Variants in FAT1 observed in about 807,000 individuals in gnomAD.
FAT1 encodes protocadherin Fat 1.
A neutral mutation model predicts 329.8 loss-of-function variants in FAT1; 171 were observed. The observed-to-expected ratio is 0.52, with a 90% CI of 0.46 to 0.59. The LOEUF is 0.59. Ranked by LOEUF, FAT1 falls within the 20% of genes least tolerant of loss-of-function variation. FAT1 has a pLI of 0.00. For synonymous variants in FAT1, 2,233 were observed against 2,228.6 expected (o/e 1.00, Z -0.06); for missense variants, 5,672 against 5,774.4 (o/e 0.98, Z 0.57).
rs1021092386 is a variant in FAT1, at chr4:186,638,954, G to A, written c.3642+768C>T. Reference sequence around the variant, plus strand: ...GCCTGTCTCTCAGCCGCTTCCTGACGACACGGCCCAGAGATCTCATCAACC... The same window carrying A: ...GCCTGTCTCTCAGCCGCTTCCTGACAACACGGCCCAGAGATCTCATCAACC... On this transcript the variant is annotated intron_variant, in intron 4 of 26. Transcript: ENST00000441802. 4.3e-4 allele frequency among the ~76,000 whole-genome samples: 64 copies of A among 149,772 alleles called. 1 individual carries two copies. Among genetic ancestry groups the A allele is most frequent in the African/African-American group, 1.4e-3 (56 of 39,194 alleles).
At position 186,706,604 on chromosome 4, in the gene FAT1, T is replaced by C. The variant is rs773655530; in HGVS notation, c.3224A>G (p.Asp1075Gly). The C allele has an allele frequency of 3.1e-6, 5 of 1,613,314 alleles. No individual in the cohort carries two copies. Among genetic ancestry groups the C allele is most frequent in the South Asian group, 1.1e-5 (1 of 91,038 alleles). The change falls in exon 2 of 27, where the codon GAT becomes GGT. Residue 1075 changes from aspartate to glycine, a missense_variant. Physicochemically the swap from Asp to Gly is moderately conservative, Grantham distance 94 (BLOSUM62 -1). Around this residue, in one of 2 missense-constraint regions of FAT1, gnomAD observed 3,966 missense variants for 3,915.2 expected, o/e 1.01. Coordinates refer to ENST00000441802, the MANE Select transcript of FAT1 (RefSeq NM_005245.4). ...TTTGAAAACACCAACGCCAGAGCCA[T>C]CTCTAATGGAGTATCGGATCTCCCC... is the stretch of plus-strand genomic sequence containing the variant. ...RDGEIRYSIR[D>G]GSGVGVFKIG...
chr4:186,638,499 C>G (rs328415), intron 4 of FAT1, among the ~76,000 whole-genome samples: 96,578 of 151,896 alleles, frequency 0.64, 31,571 homozygotes, highest in African/African-American at 0.8. Context: ...TGAATTCAAG[C>G]GAACTTTACA....
chr4:186,657,454 A>G (rs934222964), intron 3 of FAT1, among the ~76,000 whole-genome samples: 3 of 152,152 alleles, frequency 2.0e-5, no homozygotes, highest in Non-Finnish European at 4.4e-5. Context: ...TAGTGCTAGA[A>G]AGCACACCAG....
At chr4:186,715,193 T>A (rs1354490750) in intron 1 of FAT1, among the ~76,000 whole-genome samples, 2 of 150,220 alleles carry the variant, frequency 1.3e-5, no homozygotes, top group East Asian at 3.9e-4. Context: ...GGCCAACACG[T>A]CAGACTGCTT....
At position 186,589,087 on chromosome 4, in the gene FAT1, A is replaced by G. The variant is rs368215766; in HGVS notation, c.13272T>C (p.Tyr4424=). The G allele has an allele frequency of 3.7e-5, 60 of 1,613,874 alleles. No homozygotes were observed. The highest frequency in any genetic ancestry group is 5.1e-5 in the Non-Finnish European group (60 of 1,179,866). ...TTTCGATGTCGTAGCCTCCAGGGTA[A>G]TAGTCCGTATCGATGGCGTTTGGAT... ...SADPNAIDTD[Y]YPGGYDIESD... Residue 4424 remains tyrosine (Y), a synonymous_variant, in exon 27 of 27, where the codon TAT becomes TAC. Transcript: ENST00000441802.
At chr4:186,649,650 G>A (rs2126592054) in intron 3 of FAT1, among the ~76,000 whole-genome samples, 1 of 152,250 alleles carries the variant, frequency 6.6e-6, no homozygotes, top group Non-Finnish European at 1.5e-5. Context: ...GGAGGAGCGA[G>A]GATAGGTCCT....
intron 2 of FAT1, among the ~76,000 whole-genome samples, chr4:186,704,637 A>G (rs1744484029): frequency 6.6e-6 from 1 of 152,212 alleles, no homozygotes. Flanking sequence ...ATTTTACAAA[A>G]ACAGTTTGAC....
rs2126494000 is a variant in FAT1 at position 186,618,348 on chromosome 4, A to G, written c.8238T>C (p.Asn2746=). The part of the protein sequence containing the change: ...SLVKGNTPES[N]RDESFVIDRQ... ...TGTCAATCACAAAGGACTCATCCCT[A>G]TTGCTTTCTGGAGTATTCCCTTTGA... Residue 2746 remains asparagine (N), a synonymous_variant, in exon 10 of 27, where the codon AAT becomes AAC. Coordinates refer to ENST00000441802, the MANE Select transcript of FAT1 (RefSeq NM_005245.4). 6.2e-7 allele frequency: 1 copy of G among 1,613,940 alleles called. No individual in the cohort carries two copies. Among genetic ancestry groups the G allele is most frequent in the Non-Finnish European group, 8.5e-7 (1 of 1,179,892 alleles).
intron 6 of FAT1, 27 bp downstream of exon 6, chr4:186,635,998 A>G: frequency 1.9e-6 from 3 of 1,608,390 alleles, no homozygotes; most frequent in Non-Finnish European, 2.6e-6. Context: ...ACCCATACGG[A>G]CAACGAAAAT....
intron 19 of FAT1, 23 bp from the exon 20 acceptor site, chr4:186,603,057 G>A (rs1738895168): frequency 6.2e-7 from 1 of 1,613,614 alleles, no homozygotes; most frequent in Non-Finnish European, 8.5e-7. Flanking sequence ...AGGGGAGAAA[G>A]GGAAAAGATA....
At chr4:186,683,131 T>C (rs1005595816) in intron 2 of FAT1, among the ~76,000 whole-genome samples, 4 of 152,270 alleles carry the variant, frequency 2.6e-5, no homozygotes, top group African/African-American at 4.8e-5. Flanking sequence ...TGATTAAAAA[T>C]TGTCTTCAAA....
intron 11 of FAT1, among the ~76,000 whole-genome samples, chr4:186,615,941 C>G (rs539125134): frequency 2.6e-5 from 4 of 152,298 alleles, no homozygotes; most frequent in Admixed American, 2.6e-4. Context: ...GGAATTGGAA[C>G]TCAACACGGA....
In FAT1 at chr4:186,708,841, A is replaced by C. The variant is rs773528179; in HGVS notation, c.987T>G (p.Pro329=). 1.2e-6 allele frequency: 2 copies of C among 1,613,894 alleles called. No homozygotes were observed. Among genetic ancestry groups the C allele is most frequent in the Admixed American group, 1.7e-5 (1 of 60,002 alleles). The change falls in exon 2 of 27, where the codon CCT becomes CCG. Residue 329 remains proline (P), a synonymous_variant. Coordinates refer to ENST00000441802, the MANE Select transcript of FAT1 (RefSeq NM_005245.4). ...AIGGIDWDSH[P]FGYNLTLQAK... is the part of the protein sequence containing the mutation. ...CCTGTAGTGTGAGATTGTAGCCGAA[A>C]GGATGACTGTCCCAATCAATGCCAC...
rs1744629353 is a variant in FAT1, at chr4:186,706,744, G to A, written c.3084C>T (p.Asn1028=). 6.2e-7 allele frequency: 1 copy of A among 1,613,816 alleles called. No individual in the cohort carries two copies. The part of the protein sequence containing the change: ...VEVEVVDVNE[N]LHPPVFSSFV... ...AGCTGGAAAACACGGGTGGGTGCAGGTTCTCATTCACATCAACCACCTCAA... is the reference window on the plus strand; with the variant it reads ...AGCTGGAAAACACGGGTGGGTGCAGATTCTCATTCACATCAACCACCTCAA... The change falls in exon 2 of 27, where the codon AAC becomes AAT. Residue 1028 remains asparagine (N), a synonymous_variant. Transcript: ENST00000441802.
intron 9 of FAT1, among the ~76,000 whole-genome samples, chr4:186,624,241 A>G (rs761053366): frequency 1.4e-5 from 2 of 142,484 alleles, no homozygotes; most frequent in Non-Finnish European, 3.0e-5. Context: ...TGTTCCCTGT[A>G]TGGGAACAGG....
intron 4 of FAT1, 74 bp downstream of exon 4, chr4:186,639,648 G>A (rs949436267): frequency 2.0e-6 from 2 of 993,302 alleles, no homozygotes; most frequent in Non-Finnish European, 3.1e-6. Context: ...CTGGTTAATG[G>A]GAACAAGATT....
intron 22 of FAT1, 51 bp downstream of exon 22, chr4:186,599,847 T>A (rs2126408669): frequency 1.4e-6 from 2 of 1,397,796 alleles, no homozygotes; most frequent in South Asian, 2.6e-5. Flanking sequence ...AGCTTCCCCT[T>A]AAATGTACAC....
intron 2 of FAT1, among the ~76,000 whole-genome samples, chr4:186,671,104 T>C (rs1351699279): frequency 2.6e-5 from 4 of 152,166 alleles, no homozygotes; most frequent in African/African-American, 9.6e-5. Flanking sequence ...AATATGTAGA[T>C]TGTTTCCTTC....
rs769587542 is a variant in FAT1 at position 186,619,667 on chromosome 4, C to A, written c.6919G>T (p.Ala2307Ser). Residue 2307 changes from alanine (A) to serine (S), a missense_variant, in exon 10 of 27, where the codon GCC (alanine) becomes TCC (serine). Ala to Ser is a moderately conservative substitution (Grantham distance 99). Coordinates refer to ENST00000441802, the MANE Select transcript of FAT1 (RefSeq NM_005245.4). The stretch of plus-strand genomic sequence containing the variant: ...TTTGGTTCTGAATCAGAATCGGTGG[C>A]TCTAACTTGAACAACAGACGTTCCA... ...VIGTSVVQVR[A>S]TDSDSEPNRG... 16 of 1,613,880 alleles carry A rather than the reference C, an allele frequency of 9.9e-6. No homozygotes were observed. Among genetic ancestry groups the A allele is most frequent in the Non-Finnish European group, 1.7e-6 (2 of 1,179,906 alleles).
Sources: allele counts gnomAD v4.1 joint callset (sites outside exome capture counted in the v4.1 genomes callset), GRCh38; gene constraint gnomAD v4.1.1; regional missense constraint gnomAD v4.1.1; transcripts MANE v1.5; gene names NCBI Gene and HGNC (gene_info 2026-07-23, HGNC 2026-07-21).